The following DCDC1 variants were observed in gnomAD, a reference collection of about 807,000 sequenced individuals.
DCDC1 encodes doublecortin domain containing 1.
In DCDC1, 200 loss-of-function variants were observed where a neutral mutation model predicts 178.3. The observed-to-expected ratio is 1.12, with a 90% CI of 1.00 to 1.26. The LOEUF is 1.26. DCDC1 is among the 50% of genes most tolerant of loss of function. The pLI is 0.00. For missense variants in DCDC1, 1,983 were observed against 1,749.2 expected, an observed-to-expected ratio of 1.13 and a Z score of -2.38; for synonymous variants, 690 against 604.8, an observed-to-expected ratio of 1.14 and a Z score of -2.07.
At chr11:30,914,013 A>G (rs1945646133) in intron 27 of DCDC1, among the ~76,000 whole-genome samples, 1 of 152,254 alleles carries the variant, frequency 6.6e-6, no homozygotes, top group Non-Finnish European at 1.5e-5. Context: ...CTAGGATGTC[A>G]GCTCCATAAG....
chr11:31,063,209 TG>T (rs1206597063), intron 20 of DCDC1, among the ~76,000 whole-genome samples: 1 of 152,046 alleles, frequency 6.6e-6, no homozygotes, highest in Non-Finnish European at 1.5e-5. Flanking sequence ...CAACAGGTGC[TG>T]GAGAGGATGT....
intron 12 of DCDC1, 44 bp from the exon 13 acceptor site, chr11:31,107,004 T>A (rs970815924): frequency 2.8e-6 from 2 of 714,892 alleles, no homozygotes; most frequent in Admixed American, 2.2e-5. Flanking sequence ...GGAGAATAAA[T>A]AACCTAAAAT....
chr11:31,070,194 G>T (rs1956470915), intron 18 of DCDC1, among the ~76,000 whole-genome samples: 1 of 152,064 alleles, frequency 6.6e-6, no homozygotes. Flanking sequence ...AGGTGATCTT[G>T]ACCTCCAATG....
At chr11:31,181,188 T>C (rs1490617882) in intron 9 of DCDC1, among the ~76,000 whole-genome samples, 1 of 152,170 alleles carries the variant, frequency 6.6e-6, no homozygotes, top group East Asian at 1.9e-4. Flanking sequence ...GGGCAGGACA[T>C]ATCTGAAAGA....
chr11:31,263,279 C>T (rs1472525448), intron 8 of DCDC1, among the ~76,000 whole-genome samples: 2 of 151,870 alleles, frequency 1.3e-5, no homozygotes, highest in South Asian at 2.1e-4. Flanking sequence ...TTTATTAATG[C>T]AAGTTTAAGA....
intron 4 of DCDC1, chr11:31,307,384 C>T (rs1265591185): frequency 4.3e-6 from 2 of 469,452 alleles, no homozygotes; most frequent in Admixed American, 7.5e-5. Context: ...TTTCATGATC[C>T]TAGCCTGATT....
intron 1 of DCDC1, among the ~76,000 whole-genome samples, chr11:31,345,222 T>C (rs550776653): frequency 3.5e-4 from 53 of 152,248 alleles, no homozygotes; most frequent in African/African-American, 1.2e-3. Context: ...GAGTAGCCTA[T>C]AAAAAACTTT....
At chr11:31,178,622 CT>C (rs1404629854) in intron 9 of DCDC1, among the ~76,000 whole-genome samples, 11 of 152,156 alleles carry the variant, frequency 7.2e-5, no homozygotes, top group African/African-American at 2.7e-4. Context: ...AACTATACAT[CT>C]GACAAGGGGT....
chr11:31,236,204 TC>T (rs1976442334), intron 9 of DCDC1, among the ~76,000 whole-genome samples: 1 of 151,900 alleles, frequency 6.6e-6, no homozygotes, highest in Admixed American at 6.6e-5. Context: ...CACTGTCACT[TC>T]CCCCCTCTCT....
intron 1 of DCDC1, among the ~76,000 whole-genome samples, chr11:31,352,278 G>C (rs1951110572): frequency 6.6e-6 from 1 of 152,066 alleles, no homozygotes; most frequent in Admixed American, 6.6e-5. Flanking sequence ...GAAAAACAAT[G>C]AGAAACATCC....
intron 30 of DCDC1, among the ~76,000 whole-genome samples, chr11:30,905,900 C>G (rs1158913789): frequency 6.6e-6 from 1 of 152,156 alleles, no homozygotes; most frequent in African/African-American, 2.4e-5. Flanking sequence ...TGAGCAAGCC[C>G]TGAAGAGCAC....
intron 36 of DCDC1, chr11:30,883,551 C>A (rs1942889485): frequency 2.5e-6 from 1 of 397,026 alleles, no homozygotes; most frequent in Non-Finnish European, 5.1e-6. Flanking sequence ...AACAATATGA[C>A]TAAGATTTAA....
At chr11:31,264,553 A>G (rs1231458729) in intron 8 of DCDC1, among the ~76,000 whole-genome samples, 1 of 152,176 alleles carries the variant, frequency 6.6e-6, no homozygotes, top group Non-Finnish European at 1.5e-5. Context: ...TGTGATGTTG[A>G]GCAAATTACC....
chr11:31,097,547 T>C (rs1367798714), intron 15 of DCDC1, among the ~76,000 whole-genome samples: 2 of 152,222 alleles, frequency 1.3e-5, no homozygotes, highest in East Asian at 1.9e-4. Flanking sequence ...ATTGTTTCTA[T>C]GCTCTAACTT....
At chr11:31,194,583 G>C (rs1286786187) in intron 9 of DCDC1, among the ~76,000 whole-genome samples, 1 of 151,590 alleles carries the variant, frequency 6.6e-6, no homozygotes, top group Non-Finnish European at 1.5e-5. Context: ...TATATTATGA[G>C]CCTTCTTTGT....
chr11:31,014,029 G>A (rs992316811), intron 20 of DCDC1, among the ~76,000 whole-genome samples: 14 of 152,106 alleles, frequency 9.2e-5, no homozygotes, highest in South Asian at 2.1e-4. Context: ...CTGAATTGTG[G>A]CACTTCAAAA....
Position 30,903,363 on chromosome 11 carries a change from A to C in DCDC1, c.4510+119T>G, listed in dbSNP as rs1040180031. The C allele has an allele frequency of 1.4e-5, 15 of 1,047,276 alleles. No homozygotes were observed. The East Asian group carries it at 4.3e-4, about 30-fold the overall frequency. The allele number at this position is 1,047,276 out of a possible 1,614,324, so 64.9% of individuals were successfully genotyped here. A position where few individuals can be genotyped will look rare whatever the true frequency, so the allele number is the denominator to read the frequency against. On this transcript the variant is annotated intron_variant, in intron 32 of 38. Coordinates refer to ENST00000684477, the MANE Select transcript of DCDC1 (RefSeq NM_001387274.1). ...TTTCATTGACACTCTTCGGGTCACA[A>C]AAGTAGCTTCCTATGATTTTGAAAT...
chr11:31,012,092 A>T (rs1441791516), intron 20 of DCDC1, among the ~76,000 whole-genome samples: 1 of 152,110 alleles, frequency 6.6e-6, no homozygotes, highest in Non-Finnish European at 1.5e-5. Context: ...CGTGTAAGAC[A>T]TGCGTCTTCC....
At chr11:31,145,646 A>G (rs1964355746) in intron 9 of DCDC1, among the ~76,000 whole-genome samples, 2 of 152,188 alleles carry the variant, frequency 1.3e-5, no homozygotes, top group South Asian at 4.1e-4. Flanking sequence ...TTGAATGAGG[A>G]AAAGTATGCG....
Sources: allele counts gnomAD v4.1 joint callset (sites outside exome capture counted in the v4.1 genomes callset), GRCh38; gene constraint gnomAD v4.1.1; transcripts MANE v1.5; gene names NCBI Gene and HGNC (gene_info 2026-07-23, HGNC 2026-07-21).